MRGBP: variants seen among roughly 807,000 people sequenced by gnomAD.
MRGBP encodes the protein MRG/MORF4L-binding protein.
In MRGBP, 5 loss-of-function variants were observed where a neutral mutation model predicts 21.5. That is an observed-to-expected ratio of 0.23 (90% CI 0.12 to 0.49). The LOEUF is 0.49. MRGBP is among the 20% of genes least tolerant of loss of function. MRGBP has a pLI of 0.98. For missense variants in MRGBP, 227 were observed against 277.4 expected (o/e 0.82, Z 1.29); for synonymous variants, 118 against 104.4 (o/e 1.13, Z -0.79).
intron 3 of MRGBP, 48 bp from the exon 4 acceptor site, chr20:62,798,927 C>T (rs200328645): frequency 1.6e-5 from 26 of 1,611,250 alleles, no homozygotes; most frequent in Admixed American, 3.3e-5. Flanking sequence ...CCCCCAGCGT[C>T]GGCCACCACC....
At chr20:62,797,348 C>T in intron 2 of MRGBP, 117 bp downstream of exon 2, 1 of 1,355,614 alleles carries the variant, frequency 7.4e-7, no homozygotes, top group Non-Finnish European at 9.7e-7. Context: ...GTCTGCTGGG[C>T]AGAGTAGAGG....
intron 3 of MRGBP, 82 bp downstream of exon 3, chr20:62,798,750 C>T (rs567868558): frequency 3.6e-4 from 565 of 1,588,998 alleles, no homozygotes; most frequent in Non-Finnish European, 4.5e-4. Context: ...GTGAGGACCC[C>T]GGGCCTCCAG....
chr20:62,798,521 C>G (rs1990384882), intron 2 of MRGBP, 66 bp from the exon 3 acceptor site: 1 of 1,407,954 alleles, frequency 7.1e-7, no homozygotes, highest in African/African-American at 1.4e-5. Flanking sequence ...TTACACGGCT[C>G]TAGTGACTTC....
chr20:62,799,318 C>A, intron 4 of MRGBP, 138 bp from the exon 5 acceptor site: 7 of 1,045,970 alleles, frequency 6.7e-6, no homozygotes, highest in Non-Finnish European at 9.6e-6. Flanking sequence ...GGCCCAAATG[C>A]AAGGGGCTCC....
At chr20:62,797,994 G>C (rs2147174757) in intron 2 of MRGBP, among the ~76,000 whole-genome samples, 1 of 150,054 alleles carries the variant, frequency 6.7e-6, no homozygotes, top group East Asian at 1.9e-4. Context: ...GTTGGACTCA[G>C]GGCCACACCG....
chr20:62,797,103 C>G lies in MRGBP; in HGVS notation c.149-7C>G. On this transcript the variant is annotated splice_polypyrimidine_tract_variant and splice_region_variant and intron_variant, in intron 1 of 4. Transcript: ENST00000370487. ...ACCGGTTATCCCGCCGCCCCTCCTC[C>G]CCTCAGGTGTGAACCGACACTTCCA... The G allele has an allele frequency of 6.3e-7, 1 of 1,594,334 alleles. No homozygotes were observed. The highest frequency in any genetic ancestry group is 1.1e-5 in the South Asian group (1 of 88,700).
intron 2 of MRGBP, among the ~76,000 whole-genome samples, chr20:62,798,175 G>A (rs1990376996): frequency 6.6e-6 from 1 of 152,226 alleles, no homozygotes; most frequent in African/African-American, 2.4e-5. Context: ...GGTGCCTGCG[G>A]CCTTTCCCCA....
chr20:62,796,667 C>A lies in MRGBP; in HGVS notation c.144C>A (p.Pro48=). 5.3e-6 allele frequency: 7 copies of A among 1,313,992 alleles called. No homozygotes were observed. The highest frequency in any genetic ancestry group is 6.8e-6 in the Non-Finnish European group (7 of 1,027,878). The allele number at this position is 1,313,992 out of a possible 1,614,324, so 81.4% of individuals were successfully genotyped here. ...TCCACGCCATGCTGGGCCACAAGCC[C>A]GTCGGTGAGCGCCCAGGCTGCGGAC... ...CLFHAMLGHK[P]VGVNRHFHMI... is the part of the protein sequence containing the mutation. The change falls in exon 1 of 5, where the codon CCC becomes CCA. Residue 48 remains proline (P), a synonymous_variant. Coordinates refer to ENST00000370487, the MANE Select transcript of MRGBP (RefSeq NM_018270.6).
chr20:62,797,046 C>G lies in MRGBP; in HGVS notation c.149-64C>G, dbSNP rs564388423. 5.3e-6 allele frequency: 8 copies of G among 1,517,142 alleles called. 1 individual carries two copies. The highest frequency in any genetic ancestry group is 2.6e-5 in the South Asian group (2 of 78,040). The allele number at this position is 1,517,142 out of a possible 1,614,324, so 94.0% of individuals were successfully genotyped here. On this transcript the variant is annotated intron_variant, in intron 1 of 4. Coordinates refer to ENST00000370487, the MANE Select transcript of MRGBP (RefSeq NM_018270.6). ...TGCCCCTCCAGTCCCCAGGGCAGCC[C>G]GTCCCCTCCATCCCCTTTCTCCTCA...
rs140838580 is a variant in MRGBP, at chr20:62,796,517, C to G, written c.-7C>G. The G allele has an allele frequency of 2.6e-6, 3 of 1,147,212 alleles. No homozygotes were observed. The highest frequency in any genetic ancestry group is 4.2e-5 in the East Asian group (1 of 23,718). The allele number at this position is 1,147,212 out of a possible 1,614,324, so 71.1% of individuals were successfully genotyped here. A position where few individuals can be genotyped will look rare whatever the true frequency, so the allele number is the denominator to read the frequency against. On this transcript the variant is annotated 5_prime_UTR_variant, in exon 1 of 5. Coordinates refer to ENST00000370487, the MANE Select transcript of MRGBP (RefSeq NM_018270.6). ...CCGGGGGCTCCTTGCTCGGCCGGGC[C>G]GCGGCCATGGGAGAGGCCGAGGTGG...
chr20:62,799,164 A>G (rs560262841), intron 4 of MRGBP, 115 bp downstream of exon 4: 2 of 1,078,742 alleles, frequency 1.9e-6, no homozygotes, highest in South Asian at 1.5e-5. Context: ...GGCCCCAGGC[A>G]GGTCATCTAG....
chr20:62,798,969 C>T lies in MRGBP; in HGVS notation c.353-6C>T. On this transcript the variant is annotated splice_region_variant and splice_polypyrimidine_tract_variant and intron_variant, in intron 3 of 4. Coordinates refer to ENST00000370487, the MANE Select transcript of MRGBP (RefSeq NM_018270.6). ...TTTCGGTGAGCGTCAGCTGTCTCCT[C>T]CACAGGAAAAGTGATGATAGAAGAG... 1 of 1,613,606 alleles carries T rather than the reference C, an allele frequency of 6.2e-7. No individual in the cohort carries two copies. Among genetic ancestry groups the T allele is most frequent in the Non-Finnish European group, 8.5e-7 (1 of 1,179,972 alleles).
chr20:62,796,771 C>T, intron 1 of MRGBP, 100 bp downstream of exon 1: 1 of 1,117,894 alleles, frequency 8.9e-7, no homozygotes, highest in Non-Finnish European at 1.1e-6. Flanking sequence ...ACGCTCCCCG[C>T]CGAGCCCGGG....
Position 62,801,336 on chromosome 20 carries a change from CCA to C in MRGBP, c.*1700_*1701del, listed in dbSNP as rs975791892. ...ACAAAGAGCAGGCATCTGGAGGGCC[CCA>C]CACACATAGACCAAAGGACTGAGCC... On this transcript the variant is annotated 3_prime_UTR_variant, in exon 5 of 5. Transcript: ENST00000370487. 11 of 152,284 alleles carry C rather than the reference CCA, an allele frequency of 7.2e-5. No homozygotes were observed. The highest frequency in any genetic ancestry group is 1.6e-4 in the Non-Finnish European group (11 of 68,086). The allele number at this position is 152,284 out of a possible 1,614,324, so 9.4% of individuals were successfully genotyped here.
rs1423687403 is a variant in MRGBP at position 62,798,958 on chromosome 20, A to G, written c.353-17A>G. ...CCACCGTGGGTTTTCGGTGAGCGTC[A>G]GCTGTCTCCTCCACAGGAAAAGTGA... On this transcript the variant is annotated splice_polypyrimidine_tract_variant and intron_variant, in intron 3 of 4. Coordinates refer to ENST00000370487, the MANE Select transcript of MRGBP (RefSeq NM_018270.6). 2 of 1,613,356 alleles carry G rather than the reference A, an allele frequency of 1.2e-6. No homozygotes were observed. Among genetic ancestry groups the G allele is most frequent in the Non-Finnish European group, 1.7e-6 (2 of 1,179,954 alleles).
chr20:62,797,291 C>CTT, intron 2 of MRGBP, 60 bp downstream of exon 2: 2 of 1,490,180 alleles, frequency 1.3e-6, no homozygotes, highest in East Asian at 2.6e-5. Context: ...ACACCGCTCT[C>CTT]TGAGAGTCAG....
chr20:62,798,134 A>G (rs747578529), intron 2 of MRGBP, among the ~76,000 whole-genome samples: 4 of 152,170 alleles, frequency 2.6e-5, no homozygotes, highest in Admixed American at 6.5e-5. Flanking sequence ...CTCGGTGTCC[A>G]TGGGCTCCTG....
rs1160609890 is a variant in MRGBP at position 62,796,568 on chromosome 20, G to A, written c.45G>A (p.Lys15=). ...GCGGCGGGGGCGCCGCAGGCGACAAGGGCCCGGGGGAGGCGGCCACCAGCC... is the reference window on the plus strand; with the variant it reads ...GCGGCGGGGGCGCCGCAGGCGACAAAGGCCCGGGGGAGGCGGCCACCAGCC... ...EVGGGGAAGD[K]GPGEAATSPA... is the part of the protein sequence containing the mutation. The change falls in exon 1 of 5, where the codon AAG becomes AAA. Residue 15 remains lysine (K), a synonymous_variant. Coordinates refer to ENST00000370487, the MANE Select transcript of MRGBP (RefSeq NM_018270.6). The A allele has an allele frequency of 8.1e-7, 1 of 1,238,638 alleles. No individual in the cohort carries two copies. The highest frequency in any genetic ancestry group is 1.0e-6 in the Non-Finnish European group (1 of 985,834). The allele number at this position is 1,238,638 out of a possible 1,614,324, so 76.7% of individuals were successfully genotyped here. A position where few individuals can be genotyped will look rare whatever the true frequency, so the allele number is the denominator to read the frequency against.
chr20:62,799,133 G>T, intron 4 of MRGBP, 84 bp downstream of exon 4: 1 of 1,429,444 alleles, frequency 7.0e-7, no homozygotes, highest in South Asian at 1.2e-5. Flanking sequence ...AGTCAGGTGG[G>T]CGTAGAGCCT....
Sources: gnomAD v4.1 joint callset for allele counts (sites outside exome capture counted in the v4.1 genomes callset) on GRCh38, gnomAD v4.1.1 for gene constraint, MANE v1.5 for transcripts, NCBI Gene and HGNC (gene_info 2026-07-23, HGNC 2026-07-21) for gene names.